The following NELL2 variants were observed in gnomAD, a reference collection of about 807,000 sequenced individuals.
The protein encoded by NELL2 is protein kinase C-binding protein NELL2.
Under a neutral mutation model 109.6 loss-of-function variants are expected in NELL2, and 41 were observed. That is an observed-to-expected ratio of 0.37 (90% CI 0.29 to 0.49). NELL2 has a LOEUF of 0.49. NELL2 is among the 20% of genes least tolerant of loss of function. The pLI, the probability that NELL2 is intolerant of heterozygous loss-of-function variation, is 0.98. For missense variants in NELL2, 900 were observed against 1,008.3 expected (o/e 0.89, Z 1.45); for synonymous variants, 355 against 344.7 (o/e 1.03, Z -0.33).
Position 44,743,510 on chromosome 12 carries a change from T to C in NELL2, c.995-28769A>G, listed in dbSNP as rs535660226. 5.0e-4 allele frequency among the ~76,000 whole-genome samples: 17 copies of C among 34,278 alleles called. No homozygotes were observed. The East Asian group carries it at 0.01, about 21-fold the overall frequency. The allele number at this position is 34,278 out of a possible 152,430, so 22.5% of individuals were successfully genotyped here. A position where few individuals can be genotyped will look rare whatever the true frequency, so the allele number is the denominator to read the frequency against. ...CAATTAAAAGACACAGACTAGCAAA[T>C]TGGATAGAGTCAAGACCCATCAGTG... On this transcript the variant is annotated intron_variant, in intron 9 of 19. Transcript: ENST00000429094.
chr12:44,883,820 A>G (rs1945442093), intron 1 of NELL2, among the ~76,000 whole-genome samples: 1 of 152,032 alleles, frequency 6.6e-6, no homozygotes, highest in Admixed American at 6.6e-5. Flanking sequence ...ATCCTATAAT[A>G]TAATAAAGAT....
intron 2 of NELL2, among the ~76,000 whole-genome samples, chr12:44,856,714 A>C (rs1444046071): frequency 6.6e-6 from 1 of 152,198 alleles, no homozygotes; most frequent in African/African-American, 2.4e-5. Flanking sequence ...ATGAGGTCAG[A>C]AAAGTAAAAG....
chr12:44,665,461 T>C lies in NELL2; in HGVS notation c.1444+23A>G, dbSNP rs199907023. ...AAACTTAAGACATAAAAATATTTTA[T>C]TTCACAAATAGCCACCGTTTACCTG... On this transcript the variant is annotated intron_variant, in intron 13 of 19. Transcript: ENST00000429094. 7.2e-5 allele frequency: 113 copies of C among 1,568,130 alleles called. 1 individual carries two copies. In the African/African-American group the frequency reaches 1.4e-3, roughly 20 times the overall value.
chr12:44,624,125 A>C (rs560246185), intron 13 of NELL2, among the ~76,000 whole-genome samples: 2 of 152,246 alleles, frequency 1.3e-5, no homozygotes, highest in East Asian at 1.9e-4. Flanking sequence ...CCTAGAACTT[A>C]AAGTATAATA....
intron 13 of NELL2, among the ~76,000 whole-genome samples, chr12:44,643,920 C>T (rs1389027625): frequency 6.6e-6 from 1 of 152,114 alleles, no homozygotes; most frequent in African/African-American, 2.4e-5. Flanking sequence ...GAGTTAGAAA[C>T]ATGGGCAAGA....
chr12:44,514,509 ATAT>A (rs1470329425), intron 19 of NELL2, among the ~76,000 whole-genome samples: 13 of 151,662 alleles, frequency 8.6e-5, no homozygotes, highest in South Asian at 8.3e-4. Flanking sequence ...TTATTACAGT[ATAT>A]TATTATAATT....
At chr12:44,840,094 C>G (rs1236737339) in intron 2 of NELL2, among the ~76,000 whole-genome samples, 1 of 152,204 alleles carries the variant, frequency 6.6e-6, no homozygotes, top group African/African-American at 2.4e-5. Context: ...TTTGCAGATG[C>G]TGTGCTTTTG....
intron 13 of NELL2, among the ~76,000 whole-genome samples, chr12:44,612,669 C>T (rs1347635609): frequency 1.3e-5 from 2 of 151,940 alleles, no homozygotes; most frequent in African/African-American, 4.8e-5. Flanking sequence ...CAAAATAAAT[C>T]TACACTTTGA....
Position 44,562,978 on chromosome 12 carries a change from AC to A in NELL2, c.1664-30258del, listed in dbSNP as rs561533840. 1.0e-3 allele frequency among the ~76,000 whole-genome samples: 158 copies of A among 152,356 alleles called. 1 individual carries two copies. Among genetic ancestry groups the A allele is most frequent in the African/African-American group, 3.5e-3 (146 of 41,584 alleles). ...TGGCACATATATACCACTGAATACT[AC>A]GCAGCCATAAAAAAGGATGAGTTCC... is the stretch of plus-strand genomic sequence containing the variant. On this transcript the variant is annotated intron_variant, in intron 15 of 19. Coordinates refer to ENST00000429094, the MANE Select transcript of NELL2 (RefSeq NM_001145108.2).
intron 9 of NELL2, among the ~76,000 whole-genome samples, chr12:44,739,600 C>G (rs1047321063): frequency 8.5e-5 from 13 of 152,062 alleles, no homozygotes; most frequent in African/African-American, 2.9e-4. Flanking sequence ...TAACAATAAA[C>G]ATAGTTTTAG....
chr12:44,799,144 G>A (rs1022350307), intron 3 of NELL2, among the ~76,000 whole-genome samples: 3 of 151,678 alleles, frequency 2.0e-5, no homozygotes, highest in African/African-American at 7.3e-5. Context: ...ATTTTTAGTA[G>A]AGATGGGGTT....
chr12:44,597,816 TAAAGG>T (rs1377658491), intron 15 of NELL2, among the ~76,000 whole-genome samples: 1 of 151,818 alleles, frequency 6.6e-6, no homozygotes, highest in African/African-American at 2.4e-5. Context: ...AAAAGAAAAC[TAAAGG>T]AAAGGGGCAA....
At chr12:44,644,632 A>G (rs1162965838) in intron 13 of NELL2, among the ~76,000 whole-genome samples, 2 of 55,856 alleles carry the variant, frequency 3.6e-5, no homozygotes, top group African/African-American at 2.1e-4. Context: ...ATATACATAC[A>G]TATATATATA....
intron 1 of NELL2, among the ~76,000 whole-genome samples, chr12:44,889,513 A>G (rs1451406719): frequency 1.3e-5 from 2 of 152,002 alleles, no homozygotes; most frequent in Admixed American, 1.3e-4. Flanking sequence ...AAGCATCCAC[A>G]TGGACCCAGC....
At chr12:44,754,494 C>G (rs1466548113) in intron 9 of NELL2, among the ~76,000 whole-genome samples, 1 of 152,158 alleles carries the variant, frequency 6.6e-6, no homozygotes, top group Non-Finnish European at 1.5e-5. Flanking sequence ...AAAGTCATTC[C>G]TTTTCTTTTA....
chr12:44,741,518 G>A (rs536360247), intron 9 of NELL2, among the ~76,000 whole-genome samples: 11 of 152,316 alleles, frequency 7.2e-5, no homozygotes, highest in South Asian at 4.1e-4. Flanking sequence ...CGCCTCACCC[G>A]GGAAGTGCAA....
At chr12:44,846,172 G>A (rs553374866) in intron 2 of NELL2, among the ~76,000 whole-genome samples, 2 of 152,316 alleles carry the variant, frequency 1.3e-5, no homozygotes, top group South Asian at 4.2e-4. Context: ...TAGGCCAGAT[G>A]TCTGTGAAAA....
chr12:44,684,237 T>C (rs999625366), intron 12 of NELL2, among the ~76,000 whole-genome samples: 2 of 152,256 alleles, frequency 1.3e-5, no homozygotes, highest in Non-Finnish European at 2.9e-5. Flanking sequence ...TGATGGTAGT[T>C]TGTATTTCTG....
At chr12:44,540,430 A>C (rs1231502868) in intron 15 of NELL2, among the ~76,000 whole-genome samples, 1 of 152,184 alleles carries the variant, frequency 6.6e-6, no homozygotes, top group Non-Finnish European at 1.5e-5. Flanking sequence ...ATTATTAGTG[A>C]TTAATAATAT....
Sources: allele counts gnomAD v4.1 joint callset (sites outside exome capture counted in the v4.1 genomes callset), GRCh38; gene constraint gnomAD v4.1.1; transcripts MANE v1.5; gene names NCBI Gene and HGNC (gene_info 2026-07-23, HGNC 2026-07-21).